Variants in TENM2 observed in about 807,000 individuals in gnomAD.
TENM2 encodes teneurin-2.
TENM2 carries 52 observed loss-of-function variants against 245.2 expected under a neutral mutation model. The ratio of observed to expected loss-of-function variants is 0.21; its 90% confidence interval spans 0.17 to 0.27. The LOEUF is 0.27. Among genes scored for constraint, TENM2 ranks in the 10% least tolerant of loss-of-function variants. The pLI is 1.00. For synonymous variants in TENM2, 1,363 were observed against 1,438.9 expected, an observed-to-expected ratio of 0.95 and a Z score of 1.19; for missense variants, 3,046 against 3,666.8, an observed-to-expected ratio of 0.83 and a Z score of 4.37.
At chr5:168,126,862 G>T (rs974255013) in exon 12 of TENM2, 1 of 1,609,042 alleles carries the variant, frequency 6.2e-7, no homozygotes, top group Non-Finnish European at 8.5e-7. Context: ...TGCCACCCCC[G>T]CTGCATTGAG....
At chr5:167,093,904 G>A in the TENM2 span, among the ~76,000 whole-genome samples, 1 of 152,160 alleles carries the variant, frequency 6.6e-6, no homozygotes, top group East Asian at 1.9e-4. Context: ...CTCATCAGTG[G>A]TTCTTGAGCA....
At chr5:167,872,474 G>A (rs1163062848) in intron 2 of TENM2, among the ~76,000 whole-genome samples, 1 of 117,644 alleles carries the variant, frequency 8.5e-6, no homozygotes, top group Non-Finnish European at 1.8e-5. Flanking sequence ...AAGAAAGAAA[G>A]AAAGAAAGAA....
chr5:168,084,139 C>T (rs986191300), intron 7 of TENM2, among the ~76,000 whole-genome samples: 4 of 152,114 alleles, frequency 2.6e-5, no homozygotes, highest in Non-Finnish European at 5.9e-5. Flanking sequence ...TGTATATGTA[C>T]CACATTTTCT....
At chr5:168,227,219 A>G (rs1210298409) in intron 24 of TENM2, among the ~76,000 whole-genome samples, 1 of 152,264 alleles carries the variant, frequency 6.6e-6, no homozygotes, top group Non-Finnish European at 1.5e-5. Context: ...GGAAAAGGTC[A>G]GACGTCTGAT....
At chr5:167,872,321 AG>A (rs1772916253) in intron 2 of TENM2, among the ~76,000 whole-genome samples, 1 of 54,200 alleles carries the variant, frequency 1.8e-5, no homozygotes, top group Non-Finnish European at 5.9e-5. Flanking sequence ...AAAGAAAGAA[AG>A]AAAGAAAGAA....
At chr5:167,039,505 T>C in the TENM2 span, among the ~76,000 whole-genome samples, 2 of 152,170 alleles carry the variant, frequency 1.3e-5, no homozygotes, top group Non-Finnish European at 2.9e-5. Flanking sequence ...GTTCCAGTGG[T>C]AACATATTTG....
chr5:167,584,136 T>C (rs1349767608), intron 2 of TENM2, among the ~76,000 whole-genome samples: 1 of 152,200 alleles, frequency 6.6e-6, no homozygotes, highest in Non-Finnish European at 1.5e-5. Context: ...TTCATGTTCT[T>C]GGCGTTTTAA....
At chr5:167,557,993 G>C (rs1773357879) in intron 2 of TENM2, among the ~76,000 whole-genome samples, 1 of 152,190 alleles carries the variant, frequency 6.6e-6, no homozygotes, top group Non-Finnish European at 1.5e-5. Flanking sequence ...TGTGCAACAG[G>C]CTTTTGGAGC....
rs114975013 is a variant in TENM2 at position 167,766,590 on chromosome 5, C to T, written c.503-109396C>T. Among the ~76,000 whole-genome samples, 1,044 of 152,112 alleles carry T rather than the reference C, an allele frequency of 6.9e-3. 15 individuals carry two copies. The highest frequency in any genetic ancestry group is 0.024 in the African/African-American group (977 of 41,526). The stretch of plus-strand genomic sequence containing the variant: ...TTACAAGGATATGGAGAAAGTAGAA[C>T]GCTTGGCCAGGCATGATGGCTCATG... On this transcript the variant is annotated intron_variant, in intron 2 of 28. Transcript: ENST00000518659.
At chr5:167,275,791 A>G in the TENM2 span, among the ~76,000 whole-genome samples, 1 of 152,062 alleles carries the variant, frequency 6.6e-6, no homozygotes, top group South Asian at 2.1e-4. Flanking sequence ...AGATGCAATC[A>G]TGTCATCTGT....
chr5:168,130,306 G>C (rs149170989), intron 12 of TENM2: 32 of 152,312 alleles, frequency 2.1e-4, no homozygotes, highest in African/African-American at 7.0e-4. Context: ...CTTATTGACA[G>C]ACTGGATTCT....
At chr5:167,414,264 G>A (rs1763053304) in intron 2 of TENM2, among the ~76,000 whole-genome samples, 1 of 152,054 alleles carries the variant, frequency 6.6e-6, no homozygotes. Context: ...ATCTCTCTAA[G>A]TGCATGAAAT....
At chr5:167,566,939 CTT>C (rs1773945173) in intron 2 of TENM2, among the ~76,000 whole-genome samples, 1 of 152,158 alleles carries the variant, frequency 6.6e-6, no homozygotes, top group Non-Finnish European at 1.5e-5. Context: ...ACAAGACAGA[CTT>C]CTGTTCAGCA....
chr5:168,003,577 T>C (rs561299939), intron 5 of TENM2, among the ~76,000 whole-genome samples: 1 of 152,158 alleles, frequency 6.6e-6, no homozygotes, highest in Non-Finnish European at 1.5e-5. Flanking sequence ...GCACCCAGCA[T>C]ACCAAATTAC....
chr5:168,218,067 G>A lies in TENM2; in HGVS notation c.4234-58G>A, dbSNP rs948638435. Reference sequence around the variant, plus strand: ...TATATAAAACCAGTAAGTGCCGTACGGTTAAACGTTGGACATATTAAAGGC... The same window carrying A: ...TATATAAAACCAGTAAGTGCCGTACAGTTAAACGTTGGACATATTAAAGGC... On this transcript the variant is annotated intron_variant, in intron 22 of 28. Transcript: ENST00000518659. The surrounding 1 kb of genome is among the most constrained non-coding windows in gnomAD (Gnocchi z 5.2). 1.1e-5 allele frequency: 17 copies of A among 1,551,192 alleles called. No homozygotes were observed. The highest frequency in any genetic ancestry group is 1.7e-4 in the Middle Eastern group (1 of 5,770).
At chr5:167,385,953 GT>G (rs886261314) in intron 2 of TENM2, among the ~76,000 whole-genome samples, 1 of 149,950 alleles carries the variant, frequency 6.7e-6, no homozygotes, top group South Asian at 2.1e-4. Context: ...TTGGTTCCAC[GT>G]TTTTGCAATT....
intron 2 of TENM2, among the ~76,000 whole-genome samples, chr5:167,634,831 TAGAG>T (rs1779093758): frequency 6.6e-6 from 1 of 152,150 alleles, no homozygotes; most frequent in East Asian, 1.9e-4. Context: ...GCTACAATCA[TAGAG>T]ATGAGTGGAA....
intron 4 of TENM2, among the ~76,000 whole-genome samples, chr5:167,957,389 C>A (rs2151867217): frequency 6.6e-6 from 1 of 152,174 alleles, no homozygotes; most frequent in African/African-American, 2.4e-5. Context: ...GTCTGGCCGG[C>A]AGTCTATCTA....
chr5:167,243,529 G>A, the TENM2 span, among the ~76,000 whole-genome samples: 117,602 of 151,966 alleles, frequency 0.77, 46,323 homozygotes, highest in Middle Eastern at 0.89. Context: ...TAGTGAGTTG[G>A]TGGGCTGCGT....
Sources: gnomAD v4.1 joint callset for allele counts (sites outside exome capture counted in the v4.1 genomes callset) on GRCh38, gnomAD v4.1.1 for gene constraint, Gnocchi (gnomAD v3.1) non-coding constraint, MANE v1.5 for transcripts, NCBI Gene and HGNC (gene_info 2026-07-23, HGNC 2026-07-21) for gene names.